Variants in CNTNAP2 observed in about 807,000 individuals in gnomAD.
The protein encoded by CNTNAP2 is contactin-associated protein-like 2.
Under a neutral mutation model 155.2 loss-of-function variants are expected in CNTNAP2, and 98 were observed. The observed-to-expected ratio is 0.63, with a 90% confidence interval of 0.54 to 0.75. The LOEUF is 0.75. Ranked by LOEUF, CNTNAP2 falls within the 30% of genes least tolerant of loss-of-function variation. CNTNAP2 has a pLI of 0.00. For synonymous variants in CNTNAP2, 651 were observed against 631.2 expected, an observed-to-expected ratio of 1.03 and a Z score of -0.47; for missense variants, 1,727 against 1,688.1, an observed-to-expected ratio of 1.02 and a Z score of -0.40.
chr7:146,676,448 C>CTT (rs35178328), intron 1 of CNTNAP2, among the ~76,000 whole-genome samples: 14 of 150,578 alleles, frequency 9.3e-5, no homozygotes, highest in South Asian at 6.3e-4. Context: ...TGTTTGTGTT[C>CTT]TTTTTTTTAA....
chr7:146,733,231 T>G (rs1261505266), intron 1 of CNTNAP2, among the ~76,000 whole-genome samples: 1 of 152,090 alleles, frequency 6.6e-6, no homozygotes, highest in Non-Finnish European at 1.5e-5. Flanking sequence ...ATCCAGACCC[T>G]TAGTAATTTG....
intron 1 of CNTNAP2, among the ~76,000 whole-genome samples, chr7:146,676,431 C>G (rs1023674418): frequency 7.5e-6 from 1 of 133,922 alleles, no homozygotes; most frequent in Non-Finnish European, 1.7e-5. Flanking sequence ...TTTGTGGCAG[C>G]TACAAGTGTT....
At chr7:147,453,832 A>C (rs928372278) in intron 10 of CNTNAP2, among the ~76,000 whole-genome samples, 1 of 152,310 alleles carries the variant, frequency 6.6e-6, no homozygotes, top group East Asian at 1.9e-4. Context: ...GTATTTTTAA[A>C]TGATAAGTGG....
At chr7:147,988,250 A>G (rs1363669068) in intron 15 of CNTNAP2, among the ~76,000 whole-genome samples, 1 of 152,204 alleles carries the variant, frequency 6.6e-6, no homozygotes, top group Admixed American at 6.5e-5. Context: ...CTTATAGTGG[A>G]TGCCCTTAGA....
intron 4 of CNTNAP2, among the ~76,000 whole-genome samples, chr7:147,093,070 TAC>T (rs1042776290): frequency 1.7e-4 from 9 of 54,456 alleles, no homozygotes; most frequent in African/African-American, 1.1e-3. Context: ...AAAATACAAA[TAC>T]ATATATATAT....
intron 1 of CNTNAP2, among the ~76,000 whole-genome samples, chr7:146,761,198 TA>T: frequency 6.6e-6 from 1 of 151,988 alleles, no homozygotes. Flanking sequence ...ACGTCCACCC[TA>T]ATAGGGTTAA....
intron 4 of CNTNAP2, among the ~76,000 whole-genome samples, chr7:147,073,265 C>T (rs1005127938): frequency 5.4e-5 from 8 of 148,186 alleles, no homozygotes; most frequent in African/African-American, 1.5e-4. Context: ...TGCAGGGACA[C>T]GGATGAAACT....
intron 1 of CNTNAP2, among the ~76,000 whole-genome samples, chr7:146,662,649 AT>A (rs1800112503): frequency 1.3e-5 from 2 of 148,300 alleles, no homozygotes; most frequent in South Asian, 2.3e-4. Context: ...ACCAGTTTGT[AT>A]TTTTTATGCC....
At chr7:147,060,707 C>CA (rs1259783297) in intron 4 of CNTNAP2, among the ~76,000 whole-genome samples, 3 of 151,832 alleles carry the variant, frequency 2.0e-5, no homozygotes, top group Admixed American at 1.3e-4. Context: ...CTAAAAAATA[C>CA]AAAAAAATTA....
intron 14 of CNTNAP2, among the ~76,000 whole-genome samples, chr7:147,908,186 T>C (rs1271585166): frequency 6.6e-6 from 1 of 152,208 alleles, no homozygotes; most frequent in Non-Finnish European, 1.5e-5. Flanking sequence ...TCAAGTCTAA[T>C]TCCACAACGC....
intron 21 of CNTNAP2, among the ~76,000 whole-genome samples, chr7:148,341,111 C>T (rs1439731163): frequency 6.6e-6 from 1 of 152,134 alleles, no homozygotes; most frequent in East Asian, 1.9e-4. Context: ...CCAAGGTGGC[C>T]CGTCAAGACC....
rs1462195756 is a variant in CNTNAP2, at chr7:146,538,849, A to C, written c.98-235422A>C. 5.9e-5 allele frequency among the ~76,000 whole-genome samples: 9 copies of C among 152,240 alleles called. No homozygotes were observed. The East Asian group carries it at 7.8e-4, about 13-fold the overall frequency. Reference sequence around the variant, plus strand: ...TTGGAATTATTTTAAACATTATCATAAAAATTTATTATAAAATGTAGAAAA... The same window carrying C: ...TTGGAATTATTTTAAACATTATCATCAAAATTTATTATAAAATGTAGAAAA... On this transcript the variant is annotated intron_variant, in intron 1 of 23. Coordinates refer to ENST00000361727, the MANE Select transcript of CNTNAP2 (RefSeq NM_014141.6).
intron 8 of CNTNAP2, among the ~76,000 whole-genome samples, chr7:147,173,076 A>G (rs1054956150): frequency 6.6e-6 from 1 of 152,170 alleles, no homozygotes; most frequent in Admixed American, 6.5e-5. Context: ...AGAAAACACA[A>G]CATTTACATA....
rs1800091031 is a variant in CNTNAP2, at chr7:148,420,536, T to G, written c.*4920T>G. ...CATGTATTAATATACAGCACGCATTTACAAGTTTATTTTCCAGATAAAATT... is the reference window on the plus strand; with the variant it reads ...CATGTATTAATATACAGCACGCATTGACAAGTTTATTTTCCAGATAAAATT... On this transcript the variant is annotated 3_prime_UTR_variant, in exon 24 of 24. Transcript: ENST00000361727. The G allele has an allele frequency of 6.6e-6, 1 of 152,214 alleles. No individual in the cohort carries two copies. The highest frequency in any genetic ancestry group is 2.1e-4 in the South Asian group (1 of 4,832). 9.4% of individuals were successfully genotyped at this position (152,214 alleles called of 1,614,324 possible).
intron 21 of CNTNAP2, among the ~76,000 whole-genome samples, chr7:148,317,301 G>GCTGA (rs1363082146): frequency 6.6e-6 from 1 of 152,114 alleles, no homozygotes; most frequent in Non-Finnish European, 1.5e-5. Flanking sequence ...TTTGCAATGG[G>GCTGA]CTGAGATCAT....
At chr7:148,270,105 C>G (rs1332163405) in intron 21 of CNTNAP2, among the ~76,000 whole-genome samples, 2 of 152,074 alleles carry the variant, frequency 1.3e-5, no homozygotes, top group Non-Finnish European at 2.9e-5. Context: ...TTTTCCAGGT[C>G]ATGTAACTAG....
intron 15 of CNTNAP2, among the ~76,000 whole-genome samples, chr7:148,053,008 C>T (rs748552039): frequency 6.6e-5 from 10 of 152,168 alleles, no homozygotes; most frequent in Non-Finnish European, 1.3e-4. Flanking sequence ...AATCACGCCA[C>T]TGCACTCTAG....
intron 15 of CNTNAP2, among the ~76,000 whole-genome samples, chr7:147,984,823 A>T (rs1191701780): frequency 1.3e-5 from 2 of 152,084 alleles, no homozygotes; most frequent in East Asian, 3.9e-4. Context: ...TGTCAAAAGG[A>T]CTATTTACTG....
intron 2 of CNTNAP2, among the ~76,000 whole-genome samples, chr7:146,802,716 G>C (rs558498360): frequency 6.6e-6 from 1 of 152,294 alleles, no homozygotes; most frequent in African/African-American, 2.4e-5. Context: ...CTGGGGAACT[G>C]TGAGTCAATT....
Sources: gnomAD v4.1 joint callset for allele counts (sites outside exome capture counted in the v4.1 genomes callset) on GRCh38, gnomAD v4.1.1 for gene constraint, MANE v1.5 for transcripts, NCBI Gene and HGNC (gene_info 2026-07-23, HGNC 2026-07-21) for gene names.